The following MASTL variants were observed in gnomAD, a reference collection of about 807,000 sequenced individuals.
The protein encoded by MASTL is microtubule associated serine/threonine kinase like.
Under a neutral mutation model 82.5 loss-of-function variants are expected in MASTL, and 54 were observed. The observed-to-expected ratio is 0.65, with a 90% CI of 0.53 to 0.82. MASTL has a LOEUF of 0.82. Among genes scored for constraint, MASTL ranks in the 40% least tolerant of loss-of-function variants. The pLI is 0.00. For synonymous variants in MASTL, 323 were observed against 368.9 expected (o/e 0.88, Z 1.43); for missense variants, 950 against 1,047.8 (o/e 0.91, Z 1.29).
intron 6 of MASTL, 92 bp from the exon 7 acceptor site, chr10:27,166,987 AATACATATTAATATGTAATTCTT>A: frequency 1.6e-5 from 2 of 124,592 alleles, no homozygotes; most frequent in Non-Finnish European, 3.4e-5. Context: ...TGTAATTCTT[AATACATATTAATATGTAATTCTT>A]GATACTTTGC....
chr10:27,165,583 C>G (rs765260093), intron 6 of MASTL, 44 bp downstream of exon 6: 22 of 1,583,946 alleles, frequency 1.4e-5, no homozygotes, highest in Non-Finnish European at 1.9e-5. Context: ...AGGCTTACAC[C>G]TGTAATACTA....
rs1382884600 is a variant in MASTL at position 27,159,702 on chromosome 10, T to C, written c.408T>C (p.Tyr136=). 1.2e-6 allele frequency: 2 copies of C among 1,608,506 alleles called. No individual in the cohort carries two copies. Among genetic ancestry groups the C allele is most frequent in the Admixed American group, 1.7e-5 (1 of 60,012 alleles). ...GYFDEEMAVK[Y]ISEVALALDY... is the part of the protein sequence containing the mutation. The stretch of plus-strand genomic sequence containing the variant: ...TTGATGAAGAGATGGCTGTGAAATA[T>C]ATTTCTGAAGTAGCACTGGCTCTAG... The change falls in exon 3 of 12, where the codon TAT becomes TAC. Residue 136 remains tyrosine, a synonymous_variant. Coordinates refer to ENST00000375940, the MANE Select transcript of MASTL (RefSeq NM_001172303.3). This position sits in a 1 kb window ranked among gnomAD's most constrained non-coding sequence, Gnocchi z 4.0.
chr10:27,172,021 G>A (rs1185961080), intron 8 of MASTL, among the ~76,000 whole-genome samples: 1 of 151,528 alleles, frequency 6.6e-6, no homozygotes, highest in African/African-American at 2.4e-5. Flanking sequence ...TAGAGATGGG[G>A]TTTCACCACG....
chr10:27,164,885 G>T (rs2057691345), intron 4 of MASTL, among the ~76,000 whole-genome samples, 179 bp from the exon 5 acceptor site: 1 of 151,862 alleles, frequency 6.6e-6, no homozygotes, highest in Non-Finnish European at 1.5e-5. Flanking sequence ...TGATCCATCT[G>T]CCTCAGCCTC....
At chr10:27,173,459 C>T (rs1048764884) in intron 9 of MASTL, among the ~76,000 whole-genome samples, 200 bp downstream of exon 9, 10 of 152,090 alleles carry the variant, frequency 6.6e-5, no homozygotes, top group African/African-American at 2.4e-4. Context: ...ATGTAAAAGA[C>T]CAGATGCTGG....
chr10:27,159,394 A>G lies in MASTL; in HGVS notation c.325-225A>G, dbSNP rs2057497137. On this transcript the variant is annotated intron_variant, in intron 2 of 11. Transcript: ENST00000375940. The surrounding 1 kb of genome is among the most constrained non-coding windows in gnomAD (Gnocchi z 4.0). ...CATCTTGGCCTCCCAAAGTGCTGAG[A>G]TTATAGGCGTGAGTCACTGTGCCCA... Among the ~76,000 whole-genome samples the G allele has an allele frequency of 6.6e-6, 1 of 152,176 alleles. No homozygotes were observed. Among genetic ancestry groups the G allele is most frequent in the Non-Finnish European group, 1.5e-5 (1 of 68,028 alleles).
At position 27,170,446 on chromosome 10, in the gene MASTL, A is replaced by C; in HGVS notation, c.1487A>C (p.His496Pro). 13 of 1,614,170 alleles carry C rather than the reference A, an allele frequency of 8.1e-6. No individual in the cohort carries two copies. Among genetic ancestry groups the C allele is most frequent in the Non-Finnish European group, 1.1e-5 (13 of 1,180,014 alleles). Residue 496 changes from histidine to proline, a missense_variant, in exon 8 of 12, where the codon CAC (histidine) becomes CCC (proline). By Grantham distance (77) the His-to-Pro change is moderately conservative. Coordinates refer to ENST00000375940, the MANE Select transcript of MASTL (RefSeq NM_001172303.3). ...VEVQDLKLSV[H>P]KSQQNDCANK... ...GTGCAGGACCTTAAGCTATCAGTGC[A>C]CAAAAGTCAACAAAATGACTGTGCT... is the stretch of plus-strand genomic sequence containing the variant.
rs777317363 is a variant in MASTL at position 27,155,436 on chromosome 10, AC to A, written c.12del (p.Ala5ArgfsTer17). MDP[T>X]AGSKKEPGGG... ...TGTATGCTGTCCAGCGATGGATCCC[AC>A]CGCGGGAAGCAAGAAGGAGCCTGGA... On this transcript the variant is annotated frameshift_variant, in exon 1 of 12. Coordinates refer to ENST00000375940, the MANE Select transcript of MASTL (RefSeq NM_001172303.3). LOFTEE classifies it high-confidence loss of function. 37 of 1,610,348 alleles carry A rather than the reference AC, an allele frequency of 2.3e-5. No homozygotes were observed. Among genetic ancestry groups the A allele is most frequent in the Non-Finnish European group, 3.1e-5 (36 of 1,178,808 alleles).
At chr10:27,155,802 C>T (rs2057345880) in intron 1 of MASTL, among the ~76,000 whole-genome samples, 190 bp downstream of exon 1, 1 of 152,142 alleles carries the variant, frequency 6.6e-6, no homozygotes, top group South Asian at 2.1e-4. Context: ...TGTCTCGCCT[C>T]TGTTCCGCCC....
chr10:27,172,982 C>A, intron 8 of MASTL, 136 bp from the exon 9 acceptor site: 1 of 1,008,248 alleles, frequency 9.9e-7, no homozygotes, highest in Non-Finnish European at 1.5e-6. Context: ...ATTTTCAAAA[C>A]TTATCAAAAA....
chr10:27,157,447 C>A (rs928217617), intron 1 of MASTL, among the ~76,000 whole-genome samples: 1 of 152,136 alleles, frequency 6.6e-6, no homozygotes, highest in South Asian at 2.1e-4. Context: ...ATGTTACCAG[C>A]TTGCTTTGTC....
intron 11 of MASTL, among the ~76,000 whole-genome samples, 178 bp from the exon 12 acceptor site, chr10:27,186,201 C>T (rs1408563924): frequency 6.6e-6 from 1 of 152,156 alleles, no homozygotes; most frequent in Non-Finnish European, 1.5e-5. Flanking sequence ...TTCAAAATGG[C>T]CCATGTAGAC....
chr10:27,158,748 T>C (rs1426388485), intron 2 of MASTL, 62 bp downstream of exon 2: 33 of 1,575,994 alleles, frequency 2.1e-5, no homozygotes, highest in South Asian at 1.6e-4. Flanking sequence ...CCTAGTGATT[T>C]AAGAGAACCA....
Position 27,170,201 on chromosome 10 carries a change from C to T in MASTL, c.1242C>T (p.Asp414=), listed in dbSNP as rs1475813951. 4 of 1,614,018 alleles carry T rather than the reference C, an allele frequency of 2.5e-6. No homozygotes were observed. The highest frequency in any genetic ancestry group is 1.3e-5 in the African/African-American group (1 of 74,910). The stretch of plus-strand genomic sequence containing the variant: ...TAAATAATATAAATATGGACACTGA[C>T]ACAAGTCAGTTAGGTTTCCATCAGT... ...LDVNNINMDT[D]TSQLGFHQSN... The change falls in exon 8 of 12, where the codon GAC becomes GAT. Residue 414 remains aspartate, a synonymous_variant. Transcript: ENST00000375940.
rs1056291436 is a variant in MASTL at position 27,182,699 on chromosome 10, C to T, written c.2482+1118C>T. On this transcript the variant is annotated intron_variant, in intron 11 of 11. Coordinates refer to ENST00000375940, the MANE Select transcript of MASTL (RefSeq NM_001172303.3). Reference sequence around the variant, plus strand: ...TCGAGGCTACAGCGAGCCATGTTCACGCCACTGCATTTCAGCCTGGGAAAC... The same window carrying T: ...TCGAGGCTACAGCGAGCCATGTTCATGCCACTGCATTTCAGCCTGGGAAAC... Among the ~76,000 whole-genome samples the T allele has an allele frequency of 9.2e-5, 14 of 151,942 alleles. No homozygotes were observed. In the South Asian group the frequency reaches 2.3e-3, roughly 25 times the overall value.
At position 27,171,070 on chromosome 10, in the gene MASTL, G is replaced by A. The variant is rs1588692213; in HGVS notation, c.2111G>A (p.Cys704Tyr). The A allele has an allele frequency of 1.2e-6, 2 of 1,613,706 alleles. No individual in the cohort carries two copies. The highest frequency in any genetic ancestry group is 1.7e-6 in the Non-Finnish European group (2 of 1,179,780). ...ACCCCTACTCAAAAAAGAAGATCCTGTATGCCACATCAGGTATATTTATAA... is the reference window on the plus strand; with the variant it reads ...ACCCCTACTCAAAAAAGAAGATCCTATATGCCACATCAGGTATATTTATAA... ...AITPTQKRRS[C>Y]MPHQQTPNQI... Residue 704 changes from cysteine (C) to tyrosine (Y), a missense_variant, in exon 8 of 12, where the codon TGT (cysteine) becomes TAT (tyrosine). By Grantham distance (194) the Cys-to-Tyr change is radical (BLOSUM62 -2). Transcript: ENST00000375940.
intron 2 of MASTL, among the ~76,000 whole-genome samples, chr10:27,158,902 G>C (rs1185626126): frequency 6.6e-6 from 1 of 152,160 alleles, no homozygotes; most frequent in Non-Finnish European, 1.5e-5. Context: ...GTATGTATAT[G>C]TACATAGAGA....
chr10:27,160,776 A>T (rs1248499801), intron 3 of MASTL, among the ~76,000 whole-genome samples: 1 of 152,004 alleles, frequency 6.6e-6, no homozygotes. Context: ...AAGAAAAAAA[A>T]GAAAGTAAAT....
chr10:27,169,328 C>G (rs1440838979), intron 7 of MASTL, among the ~76,000 whole-genome samples: 1 of 151,834 alleles, frequency 6.6e-6, no homozygotes, highest in African/African-American at 2.4e-5. Context: ...TTTGGGAGGC[C>G]TAGGCAGGTG....
Sources: gnomAD v4.1 joint callset for allele counts (sites outside exome capture counted in the v4.1 genomes callset) on GRCh38, gnomAD v4.1.1 for gene constraint, Gnocchi (gnomAD v3.1) non-coding constraint, MANE v1.5 for transcripts, NCBI Gene and HGNC (gene_info 2026-07-23, HGNC 2026-07-21) for gene names.